The following PKIG variants were observed in gnomAD, a reference collection of about 807,000 sequenced individuals.
PKIG encodes cAMP-dependent protein kinase inhibitor gamma.
Under a neutral mutation model 6.8 loss-of-function variants are expected in PKIG, and 1 was observed. That is an observed-to-expected ratio of 0.15 (90% CI 0.05 to 0.69). The LOEUF (loss-of-function observed/expected upper bound fraction) is 0.69. Among genes scored for constraint, PKIG ranks in the 30% least tolerant of loss-of-function variants. PKIG has a pLI of 0.82. For synonymous variants in PKIG, 39 were observed against 43.0 expected, an observed-to-expected ratio of 0.91 and a Z score of 0.36; for missense variants, 77 against 104.0, an observed-to-expected ratio of 0.74 and a Z score of 1.13.
intron 1 of PKIG, 129 bp downstream of exon 1, chr20:44,582,860 A>T (rs2064959926): frequency 6.6e-6 from 1 of 152,200 alleles, no homozygotes; most frequent in African/African-American, 2.4e-5. Context: ...ATATAATGAT[A>T]TATGTGAGCT....
At chr20:44,550,123 C>T (rs1281506650) in intron 1 of PKIG, among the ~76,000 whole-genome samples, 1 of 148,192 alleles carries the variant, frequency 6.7e-6, no homozygotes, top group Non-Finnish European at 1.5e-5. Context: ...ATGTAGTGAG[C>T]ATCTAGTATG....
In PKIG at chr20:44,544,925, C is replaced by CTTT. The variant is rs796482642; in HGVS notation, c.-241+12973_-241+12975dup. On this transcript the variant is annotated intron_variant, in intron 1 of 4. Coordinates refer to the PKIG transcript ENST00000372887. ...TCTTTCTTTCTTTCCTTCCTTCTTT[C>CTTT]TTTTTTTTTTTTTTTTTTTTTTTTT... Among the ~76,000 whole-genome samples the CTTT allele has an allele frequency of 5.6e-3, 363 of 64,384 alleles. 47 individuals carry two copies. The highest frequency in any genetic ancestry group is 0.02 in the African/African-American group (271 of 13,380). 42.2% of individuals were successfully genotyped at this position (64,384 alleles called of 152,430 possible).
chr20:44,558,489 A>C lies in PKIG; in HGVS notation c.-240-24096A>C, dbSNP rs116335971. On this transcript the variant is annotated intron_variant, in intron 1 of 4. Coordinates refer to the PKIG transcript ENST00000372887. ...ATTGTAAGAGAGAGAAAATCATCTTATCTTTTGGACTATTCCCTTCTATTC... is the reference window on the plus strand; with the variant it reads ...ATTGTAAGAGAGAGAAAATCATCTTCTCTTTTGGACTATTCCCTTCTATTC... 5.2e-3 allele frequency among the ~76,000 whole-genome samples: 790 copies of C among 152,198 alleles called. 8 individuals are homozygous for C. The highest frequency in any genetic ancestry group is 0.018 in the African/African-American group (754 of 41,520).
chr20:44,552,994 A>G (rs1367184895), intron 1 of PKIG, among the ~76,000 whole-genome samples: 4 of 152,046 alleles, frequency 2.6e-5, no homozygotes, highest in East Asian at 3.9e-4. Context: ...ACCACCTGTT[A>G]TTTGTGTATT....
chr20:44,541,278 A>G (rs1043129835), intron 1 of PKIG, among the ~76,000 whole-genome samples: 1 of 152,066 alleles, frequency 6.6e-6, no homozygotes, highest in Non-Finnish European at 1.5e-5. Context: ...AGACTAGACT[A>G]TGGGTTTTTT....
At chr20:44,582,394 A>G (rs1239562330), upstream of PKIG, among the ~76,000 whole-genome samples, 1 of 152,166 alleles carries the variant, frequency 6.6e-6, no homozygotes, top group Non-Finnish European at 1.5e-5. Flanking sequence ...GTGGCCTGGG[A>G]TGCAGTTACA....
chr20:44,549,030 G>T (rs2064643962), intron 1 of PKIG, among the ~76,000 whole-genome samples: 1 of 152,190 alleles, frequency 6.6e-6, no homozygotes, highest in Non-Finnish European at 1.5e-5. Context: ...CTGGGTATGA[G>T]AGTTATATAA....
upstream of PKIG, among the ~76,000 whole-genome samples, chr20:44,581,740 AG>A (rs1335426127): frequency 6.6e-6 from 1 of 152,140 alleles, no homozygotes; most frequent in Non-Finnish European, 1.5e-5. Flanking sequence ...TCCTTCATAA[AG>A]GGGGTTAAAG....
At chr20:44,589,082 A>G (rs1330998136) in intron 1 of PKIG, among the ~76,000 whole-genome samples, 2 of 152,198 alleles carry the variant, frequency 1.3e-5, no homozygotes, top group South Asian at 2.1e-4. Context: ...TTCTATATAT[A>G]CTGAAAATTG....
chr20:44,546,313 A>G (rs1488210637), intron 1 of PKIG, among the ~76,000 whole-genome samples: 1 of 152,182 alleles, frequency 6.6e-6, no homozygotes. Context: ...TATTTGGAAA[A>G]TAAACATGCA....
At chr20:44,594,658 C>T (rs2065060754) in intron 2 of PKIG, among the ~76,000 whole-genome samples, 2 of 152,166 alleles carry the variant, frequency 1.3e-5, no homozygotes, top group Admixed American at 6.5e-5. Flanking sequence ...TTACTTGCCT[C>T]CCCCATTCCC....
intron 1 of PKIG, among the ~76,000 whole-genome samples, chr20:44,565,528 C>G (rs1440498621): frequency 6.6e-6 from 1 of 152,226 alleles, no homozygotes; most frequent in Non-Finnish European, 1.5e-5. Flanking sequence ...GAAAACACCA[C>G]TGCTGCCTTT....
At chr20:44,542,375 C>T (rs2064570117) in intron 1 of PKIG, among the ~76,000 whole-genome samples, 1 of 151,878 alleles carries the variant, frequency 6.6e-6, no homozygotes, top group South Asian at 2.1e-4. Context: ...GCAAACCTAC[C>T]TACTCCGTGT....
At chr20:44,548,931 T>TA (rs1286341499) in intron 1 of PKIG, among the ~76,000 whole-genome samples, 1 of 150,634 alleles carries the variant, frequency 6.6e-6, no homozygotes, top group Non-Finnish European at 1.5e-5. Flanking sequence ...AATAATTAGA[T>TA]ACTGTGGGAA....
At chr20:44,611,274 G>A (rs915204488) in intron 2 of PKIG, among the ~76,000 whole-genome samples, 1 of 151,954 alleles carries the variant, frequency 6.6e-6, no homozygotes, top group Non-Finnish European at 1.5e-5. Context: ...GCCCAGTCTC[G>A]AACTTCTGAC....
intron 2 of PKIG, among the ~76,000 whole-genome samples, chr20:44,609,882 T>C (rs1292584486): frequency 6.6e-6 from 1 of 152,218 alleles, no homozygotes; most frequent in Non-Finnish European, 1.5e-5. Flanking sequence ...GGCCACTGAG[T>C]GCGTGATGTG....
intron 1 of PKIG, among the ~76,000 whole-genome samples, chr20:44,554,319 T>G (rs1426952783): frequency 6.6e-6 from 1 of 151,976 alleles, no homozygotes; most frequent in Non-Finnish European, 1.5e-5. Flanking sequence ...CGGCCTCAAG[T>G]GATTCACCCA....
intron 2 of PKIG, among the ~76,000 whole-genome samples, chr20:44,612,713 C>A (rs746778239): frequency 6.6e-6 from 1 of 152,088 alleles, no homozygotes. Context: ...TCATGAATAC[C>A]ACTGTGCTAT....
intron 1 of PKIG, among the ~76,000 whole-genome samples, chr20:44,534,921 C>G (rs2064499227): frequency 6.6e-6 from 1 of 152,144 alleles, no homozygotes; most frequent in Non-Finnish European, 1.5e-5. Context: ...GAACCCAGAG[C>G]TTTTACTCTT....
Sources: allele counts gnomAD v4.1 joint callset (sites outside exome capture counted in the v4.1 genomes callset), GRCh38; gene constraint gnomAD v4.1.1; transcripts MANE v1.5; gene names NCBI Gene and HGNC (gene_info 2026-07-23, HGNC 2026-07-21).